DOCK5: variants seen among roughly 807,000 people sequenced by gnomAD.
DOCK5 encodes dedicator of cytokinesis 5, also known as dedicator of cytokinesis protein 5.
Under a neutral mutation model 251.8 loss-of-function variants are expected in DOCK5, and 142 were observed. The observed-to-expected ratio is 0.56, with a 90% CI of 0.49 to 0.65. DOCK5 has a LOEUF of 0.65. DOCK5 is among the 30% of genes least tolerant of loss of function. The pLI is 0.00. For missense variants in DOCK5, 2,111 were observed against 2,312.3 expected (o/e 0.91, Z 1.79); for synonymous variants, 842 against 835.5 (o/e 1.01, Z -0.13).
chr8:25,359,310 G>A (rs1431493035), intron 28 of DOCK5, among the ~76,000 whole-genome samples: 1 of 152,228 alleles, frequency 6.6e-6, no homozygotes, highest in Non-Finnish European at 1.5e-5. Flanking sequence ...GATTTAGAGA[G>A]AGCCCTTATT....
At chr8:25,396,612 C>T (rs1801349246) in intron 45 of DOCK5, among the ~76,000 whole-genome samples, 1 of 152,106 alleles carries the variant, frequency 6.6e-6, no homozygotes, top group East Asian at 1.9e-4. Context: ...GGTATGTTTA[C>T]AGTGGTTAAA....
chr8:25,227,331 A>G (rs995475173), intron 1 of DOCK5, among the ~76,000 whole-genome samples: 2 of 148,086 alleles, frequency 1.4e-5, no homozygotes, highest in Admixed American at 6.8e-5. Context: ...TATTACTTGC[A>G]TTTTTTTTGG....
At position 25,300,588 on chromosome 8, in the gene DOCK5, A is replaced by G; in HGVS notation, c.777A>G (p.Leu259=). The change falls in exon 9 of 52, where the codon CTA becomes CTG. Residue 259 remains leucine, a synonymous_variant. Transcript: ENST00000276440. ...DQSTFISENY[L]IRWGSNGMPK... Reference sequence around the variant, plus strand: ...TTTCCTTTGCCAGTGAGAACTATCTAATTCGTTGGGGCAGTAACGGGATGC... The same window carrying G: ...TTTCCTTTGCCAGTGAGAACTATCTGATTCGTTGGGGCAGTAACGGGATGC... 3 of 1,613,106 alleles carry G rather than the reference A, an allele frequency of 1.9e-6. No individual in the cohort carries two copies. Among genetic ancestry groups the G allele is most frequent in the Non-Finnish European group, 2.5e-6 (3 of 1,179,526 alleles).
At chr8:25,299,368 CAG>C in intron 8 of DOCK5, 1 of 381,832 alleles carries the variant, frequency 2.6e-6, no homozygotes, top group Non-Finnish European at 4.7e-6. Flanking sequence ...GAATTCAAAA[CAG>C]TGTGTGGGAG....
intron 5 of DOCK5, among the ~76,000 whole-genome samples, chr8:25,287,500 AGAGG>A (rs533635012): frequency 2.0e-5 from 3 of 152,212 alleles, no homozygotes; most frequent in Non-Finnish European, 4.4e-5. Flanking sequence ...TCCAAGTAGA[AGAGG>A]GAGAAATTTT....
intron 39 of DOCK5, among the ~76,000 whole-genome samples, chr8:25,380,679 A>T (rs1270847765): frequency 2.0e-5 from 3 of 152,224 alleles, no homozygotes; most frequent in Middle Eastern, 3.2e-3. Context: ...CTCGCTTTCC[A>T]CATCCCTCAG....
intron 5 of DOCK5, among the ~76,000 whole-genome samples, chr8:25,287,386 A>G (rs949932317): frequency 1.8e-4 from 28 of 152,190 alleles, no homozygotes; most frequent in South Asian, 1.2e-3. Context: ...AGATTGCACT[A>G]CTGCACTCCA....
chr8:25,243,634 A>G (rs777577591), intron 1 of DOCK5, 40 bp from the exon 2 acceptor site: 1 of 1,585,792 alleles, frequency 6.3e-7, no homozygotes, highest in Non-Finnish European at 8.6e-7. Context: ...CAGCCAAGTG[A>G]CATGCATTCT....
chr8:25,390,482 G>T (rs1321274926), intron 42 of DOCK5, among the ~76,000 whole-genome samples, 195 bp downstream of exon 42: 1 of 152,116 alleles, frequency 6.6e-6, no homozygotes. Flanking sequence ...ACACCTGTTT[G>T]GAGTACATCA....
chr8:25,262,170 A>G (rs1470763818), intron 2 of DOCK5, among the ~76,000 whole-genome samples: 1 of 151,628 alleles, frequency 6.6e-6, no homozygotes, highest in East Asian at 1.9e-4. Flanking sequence ...AACCACCAGC[A>G]ATGAGAGAGA....
chr8:25,385,479 T>C (rs1482969387), intron 40 of DOCK5, among the ~76,000 whole-genome samples: 1 of 152,166 alleles, frequency 6.6e-6, no homozygotes, highest in East Asian at 1.9e-4. Context: ...GAATGATTTC[T>C]GGGCTTCTGG....
rs1201587983 is a variant in DOCK5, at chr8:25,377,329, C to T, written c.3841C>T (p.His1281Tyr). 1.9e-6 allele frequency: 3 copies of T among 1,613,460 alleles called. No individual in the cohort carries two copies. Among genetic ancestry groups the T allele is most frequent in the Middle Eastern group, 1.7e-4 (1 of 6,060 alleles). ...GTGGTCTGACAAGCCCTGTGTGCCT[C>T]ATTTGCTTCAGAAGGACAGTTACTA... Reference protein sequence around the residue: ...LQWSDKPCVPHLLQKDSYYVY... With the variant: ...LQWSDKPCVPYLLQKDSYYVY... The change falls in exon 38 of 52, where the codon CAT (histidine) becomes TAT (tyrosine). Residue 1281 changes from histidine to tyrosine, a missense_variant. His to Tyr is a moderately conservative substitution (Grantham distance 83). Coordinates refer to ENST00000276440, the MANE Select transcript of DOCK5 (RefSeq NM_024940.8).
chr8:25,339,728 C>A (rs1347415057), intron 22 of DOCK5, among the ~76,000 whole-genome samples: 10 of 152,168 alleles, frequency 6.6e-5, no homozygotes, highest in Admixed American at 6.5e-4. Context: ...GAGTGGCCAG[C>A]AAATAGTAAA....
Position 25,237,817 on chromosome 8 carries a change from C to T in DOCK5, c.44-5857C>T, listed in dbSNP as rs146688402. On this transcript the variant is annotated intron_variant, in intron 1 of 51. Transcript: ENST00000276440. ...TTTCTTTTGCCTCTTCTCATTACCC[C>T]GTGAATCAGAAGGCGTTAGAACCAG... Among the ~76,000 whole-genome samples, 565 of 152,266 alleles carry T rather than the reference C, an allele frequency of 3.7e-3. 4 individuals are homozygous for T. The highest frequency in any genetic ancestry group is 0.013 in the African/African-American group (521 of 41,554).
intron 46 of DOCK5, among the ~76,000 whole-genome samples, 184 bp downstream of exon 46, chr8:25,400,178 G>A (rs942625788): frequency 1.5e-4 from 23 of 152,038 alleles, no homozygotes; most frequent in Admixed American, 3.9e-4. Context: ...CAGGGTTGAC[G>A]GAGCCTTCTT....
At chr8:25,295,308 A>G (rs1201658576) in intron 6 of DOCK5, among the ~76,000 whole-genome samples, 2 of 151,654 alleles carry the variant, frequency 1.3e-5, no homozygotes, top group Non-Finnish European at 2.9e-5. Flanking sequence ...TGAGCATGGT[A>G]ATATAAGCCT....
intron 3 of DOCK5, 84 bp downstream of exon 3, chr8:25,268,969 C>A (rs947559061): frequency 8.4e-7 from 1 of 1,188,012 alleles, no homozygotes; most frequent in African/African-American, 1.6e-5. Flanking sequence ...CTCCTCTGCT[C>A]TCTGCTGTCT....
intron 2 of DOCK5, among the ~76,000 whole-genome samples, chr8:25,261,355 A>G (rs1803576966): frequency 6.6e-6 from 1 of 152,182 alleles, no homozygotes; most frequent in African/African-American, 2.4e-5. Context: ...GAAATAGCAA[A>G]ACTTGTTCAG....
chr8:25,189,183 G>T (rs79078466), intron 1 of DOCK5, among the ~76,000 whole-genome samples: 2 of 150,940 alleles, frequency 1.3e-5, no homozygotes, highest in African/African-American at 4.9e-5. Context: ...ACCATGCCTG[G>T]CTTAAGTTTT....
Sources: gnomAD v4.1 joint callset for allele counts (sites outside exome capture counted in the v4.1 genomes callset) on GRCh38, gnomAD v4.1.1 for gene constraint, MANE v1.5 for transcripts, NCBI Gene and HGNC (gene_info 2026-07-23, HGNC 2026-07-21) for gene names.